AFAP1: variants seen among roughly 807,000 people sequenced by gnomAD.
AFAP1 encodes the protein actin filament-associated protein 1.
A neutral mutation model predicts 93.9 loss-of-function variants in AFAP1; 75 were observed. The observed-to-expected ratio is 0.80, with a 90% CI of 0.66 to 0.97. The LOEUF (loss-of-function observed/expected upper bound fraction) is 0.97, where lower values mean the gene tolerates loss of function less well. Among genes scored for constraint, AFAP1 ranks in the 50% least tolerant of loss-of-function variants. The probability of loss-of-function intolerance (pLI) is 0.00; values close to 1 mark genes in which losing one functional copy is unlikely to be tolerated. For missense variants in AFAP1, 1,201 were observed against 1,050.8 expected (o/e 1.14, Z -1.98); for synonymous variants, 517 against 430.7 (o/e 1.20, Z -2.48).
chr4:7,843,582 A>G (rs575048374), intron 4 of AFAP1, among the ~76,000 whole-genome samples: 14 of 152,296 alleles, frequency 9.2e-5, no homozygotes, highest in African/African-American at 3.4e-4. Flanking sequence ...TGTGTTTATA[A>G]AAACTGTTTC....
chr4:7,846,157 G>A lies in AFAP1; in HGVS notation c.335-2807C>T, dbSNP rs77867755. ...TGAGCGAGGCCACAAAACGACGTCC[G>A]TGGTTACGCTTGGCTGTGCTAGGAA... is the stretch of plus-strand genomic sequence containing the variant. On this transcript the variant is annotated intron_variant, in intron 4 of 17. Coordinates refer to ENST00000420658, the MANE Select transcript of AFAP1 (RefSeq NM_001134647.2). Among the ~76,000 whole-genome samples, 53 of 152,342 alleles carry A rather than the reference G, an allele frequency of 3.5e-4. No individual in the cohort carries two copies. In the South Asian group the frequency reaches 3.9e-3, roughly 11 times the overall value.
intron 5 of AFAP1, 57 bp from the exon 6 acceptor site, chr4:7,838,760 G>T (rs1250917353): frequency 6.3e-7 from 1 of 1,581,668 alleles, no homozygotes; most frequent in Non-Finnish European, 8.6e-7. Context: ...CAGAAACACT[G>T]AGGAAGCTCT....
At chr4:7,892,828 C>T (rs1359953938) in intron 1 of AFAP1, among the ~76,000 whole-genome samples, 1 of 151,974 alleles carries the variant, frequency 6.6e-6, no homozygotes, top group African/African-American at 2.4e-5. Context: ...ATGAGTCAAA[C>T]GTGGGATGTG....
At chr4:7,769,097 A>G (rs1560144596) in intron 16 of AFAP1, 89 bp from the exon 17 acceptor site, 3 of 1,477,838 alleles carry the variant, frequency 2.0e-6, no homozygotes, top group Non-Finnish European at 1.8e-6. Context: ...CAAGGAAGAA[A>G]TAAGTTTTGG....
intron 6 of AFAP1, among the ~76,000 whole-genome samples, chr4:7,826,757 C>T (rs1721457619): frequency 1.3e-5 from 2 of 152,166 alleles, no homozygotes; most frequent in Non-Finnish European, 2.9e-5. Context: ...CCCCTCCCCA[C>T]CTGCAGGAGA....
intron 6 of AFAP1, among the ~76,000 whole-genome samples, chr4:7,824,951 G>A (rs368830783): frequency 5.7e-4 from 87 of 152,298 alleles, no homozygotes; most frequent in African/African-American, 2.0e-3. Context: ...TCAAAAGACT[G>A]AAAGTCTGGT....
intron 4 of AFAP1, among the ~76,000 whole-genome samples, chr4:7,845,735 C>T (rs1326336665): frequency 6.6e-6 from 1 of 152,148 alleles, no homozygotes; most frequent in African/African-American, 2.4e-5. Flanking sequence ...AGCACCTACA[C>T]TCACCAAGCA....
At chr4:7,778,479 G>T in intron 14 of AFAP1, 1 of 490,078 alleles carries the variant, frequency 2.0e-6, no homozygotes, top group Non-Finnish European at 3.7e-6. Flanking sequence ...GCCACCCGGA[G>T]CTGCAAGAAA....
At chr4:7,931,460 T>C (rs1185888306) in intron 1 of AFAP1, among the ~76,000 whole-genome samples, 3 of 152,106 alleles carry the variant, frequency 2.0e-5, no homozygotes, top group African/African-American at 4.8e-5. Context: ...GGTGCAATTG[T>C]AGCTTACTGC....
intron 15 of AFAP1, 78 bp downstream of exon 15, chr4:7,774,661 C>A: frequency 6.5e-7 from 1 of 1,544,736 alleles, no homozygotes; most frequent in Non-Finnish European, 8.7e-7. Flanking sequence ...AGCAATAGGT[C>A]CTTTGGGCAA....
chr4:7,847,411 C>G (rs1713837955), intron 4 of AFAP1, among the ~76,000 whole-genome samples: 2 of 151,974 alleles, frequency 1.3e-5, no homozygotes. Flanking sequence ...GTGTCCCAAT[C>G]AAGAGAACTC....
chr4:7,814,027 C>T (rs1411027935), intron 8 of AFAP1, among the ~76,000 whole-genome samples: 1 of 152,200 alleles, frequency 6.6e-6, no homozygotes, highest in Admixed American at 6.5e-5. Context: ...ACTCTCCCTC[C>T]ACAGCCACAA....
chr4:7,828,472 G>A (rs1409183716), intron 6 of AFAP1, among the ~76,000 whole-genome samples: 1 of 152,148 alleles, frequency 6.6e-6, no homozygotes, highest in Non-Finnish European at 1.5e-5. Flanking sequence ...CCCACAGTTT[G>A]GCCAAAGGAG....
At chr4:7,902,115 A>G (rs1220891754) in intron 1 of AFAP1, among the ~76,000 whole-genome samples, 1 of 152,136 alleles carries the variant, frequency 6.6e-6, no homozygotes, top group East Asian at 1.9e-4. Context: ...CCAGTCAACA[A>G]CCCGTCTTCT....
intron 1 of AFAP1, among the ~76,000 whole-genome samples, chr4:7,938,383 G>C (rs563032732): frequency 4.6e-5 from 7 of 152,316 alleles, no homozygotes; most frequent in South Asian, 2.1e-4. Context: ...TCTCCTAAAA[G>C]GGGAAAACTG....
intron 1 of AFAP1, among the ~76,000 whole-genome samples, chr4:7,922,588 T>C (rs941166399): frequency 6.6e-6 from 1 of 152,174 alleles, no homozygotes; most frequent in Non-Finnish European, 1.5e-5. Flanking sequence ...GAGTGCAAGG[T>C]TGATGACAGG....
At chr4:7,778,740 A>G in intron 14 of AFAP1, 22 bp downstream of exon 14, 1 of 1,607,432 alleles carries the variant, frequency 6.2e-7, no homozygotes, top group South Asian at 1.1e-5. Context: ...CCGGAATGCA[A>G]GACATCCGAT....
At chr4:7,938,447 A>C (rs1401715111) in intron 1 of AFAP1, among the ~76,000 whole-genome samples, 1 of 152,106 alleles carries the variant, frequency 6.6e-6, no homozygotes, top group African/African-American at 2.4e-5. Context: ...AGTTTGATGA[A>C]AGCATTCACT....
At chr4:7,764,257 T>C (rs1714229764) in intron 17 of AFAP1, among the ~76,000 whole-genome samples, 1 of 152,134 alleles carries the variant, frequency 6.6e-6, no homozygotes, top group South Asian at 2.1e-4. Context: ...GGACAGAAAG[T>C]GGGCTGGGTG....
Sources: gnomAD v4.1 joint callset for allele counts (sites outside exome capture counted in the v4.1 genomes callset) on GRCh38, gnomAD v4.1.1 for gene constraint, MANE v1.5 for transcripts, NCBI Gene and HGNC (gene_info 2026-07-23, HGNC 2026-07-21) for gene names.